SIMC1: variants seen among roughly 807,000 people sequenced by gnomAD.
SIMC1 encodes SUMO-interacting motif-containing protein 1.
A neutral mutation model predicts 82.3 loss-of-function variants in SIMC1; 55 were observed. The observed-to-expected ratio is 0.67, with a 90% CI of 0.54 to 0.84. The LOEUF is 0.84. Ranked by LOEUF, SIMC1 falls within the 40% of genes least tolerant of loss-of-function variation. The pLI is 0.00. For missense variants in SIMC1, 915 were observed against 1,107.2 expected, an observed-to-expected ratio of 0.83 and a Z score of 2.46; for synonymous variants, 353 against 426.3, an observed-to-expected ratio of 0.83 and a Z score of 2.12.
At chr5:176,251,964 G>C (rs1429317457) in intron 1 of SIMC1, among the ~76,000 whole-genome samples, 12 of 149,782 alleles carry the variant, frequency 8.0e-5, no homozygotes, top group Admixed American at 3.3e-4. Flanking sequence ...AAAATGAAAA[G>C]TTTCCCATGT....
rs181705701 is a variant in SIMC1 at position 176,274,864 on chromosome 5, C to G, written c.130-14790C>G. ...TCTGTTTTGGTACCAGTACCATGCT[C>G]TTTTGGTTACTGTAGCCTTGTAGTA... On this transcript the variant is annotated intron_variant, in intron 1 of 9. Transcript: ENST00000429602. Among the ~76,000 whole-genome samples the G allele has an allele frequency of 4.1e-3, 620 of 151,766 alleles. 5 individuals carry two copies. The highest frequency in any genetic ancestry group is 0.014 in the African/African-American group (565 of 41,494).
At chr5:176,289,576 A>C (rs1214388241) in intron 1 of SIMC1, 78 bp from the exon 2 acceptor site, 4 of 1,164,468 alleles carry the variant, frequency 3.4e-6, no homozygotes, top group Non-Finnish European at 3.6e-6. Context: ...CTTATCCTTA[A>C]AAGCTAAGAC....
chr5:176,289,365 T>A (rs1763441399), intron 1 of SIMC1, among the ~76,000 whole-genome samples: 1 of 152,134 alleles, frequency 6.6e-6, no homozygotes, highest in Non-Finnish European at 1.5e-5. Context: ...TTTGACTTTA[T>A]GACTTAAGGT....
chr5:176,338,872 G>A (rs1766013549), intron 9 of SIMC1, among the ~76,000 whole-genome samples: 1 of 151,954 alleles, frequency 6.6e-6, no homozygotes. Flanking sequence ...ACTCAGTGTT[G>A]GGCAGCTAAC....
rs1413079173 is a variant in SIMC1 at position 176,256,395 on chromosome 5, A to T, written c.129+17758A>T. Among the ~76,000 whole-genome samples, 15 of 152,198 alleles carry T rather than the reference A, an allele frequency of 9.9e-5. No individual in the cohort carries two copies. The East Asian group carries it at 2.9e-3, about 29-fold the overall frequency. On this transcript the variant is annotated intron_variant, in intron 1 of 9. Coordinates refer to ENST00000429602, the MANE Select transcript of SIMC1 (RefSeq NM_001308195.2). ...TCTAATTATAGCCAACTTGGTCACC[A>T]CAAATTTCTTTTGTAAATTCATCCT...
intron 6 of SIMC1, among the ~76,000 whole-genome samples, chr5:176,323,858 G>A (rs1561724193): frequency 6.6e-6 from 1 of 152,070 alleles, no homozygotes; most frequent in Non-Finnish European, 1.5e-5. Flanking sequence ...CATGGTGGCG[G>A]GCACCTGTAG....
At chr5:176,249,842 T>G (rs1311258364) in intron 1 of SIMC1, among the ~76,000 whole-genome samples, 1 of 10,010 alleles carries the variant, frequency 1.0e-4, no homozygotes, top group African/African-American at 2.9e-4. Context: ...AGATTCCGTC[T>G]CAAAAAAAAA....
chr5:176,248,354 A>G (rs1317894162), intron 1 of SIMC1, among the ~76,000 whole-genome samples: 1 of 151,968 alleles, frequency 6.6e-6, no homozygotes, highest in Admixed American at 6.6e-5. Context: ...TAGGTATTCT[A>G]TTCTCTTTGT....
At chr5:176,283,102 A>G (rs1024977940) in intron 1 of SIMC1, among the ~76,000 whole-genome samples, 4 of 152,252 alleles carry the variant, frequency 2.6e-5, no homozygotes, top group African/African-American at 9.6e-5. Flanking sequence ...AACACTCTTC[A>G]GGATATCATC....
At chr5:176,317,287 T>C (rs1317216396) in intron 5 of SIMC1, among the ~76,000 whole-genome samples, 1 of 152,208 alleles carries the variant, frequency 6.6e-6, no homozygotes, top group East Asian at 1.9e-4. Flanking sequence ...ATATGAACCC[T>C]TCTTAAGGGA....
chr5:176,242,809 T>C (rs1761315951), intron 1 of SIMC1, among the ~76,000 whole-genome samples: 1 of 151,976 alleles, frequency 6.6e-6, no homozygotes, highest in Admixed American at 6.5e-5. Flanking sequence ...CTCTTAGAGG[T>C]GCTGGGAATA....
At chr5:176,305,110 A>C (rs368176120) in intron 4 of SIMC1, among the ~76,000 whole-genome samples, 11 of 117,126 alleles carry the variant, frequency 9.4e-5, no homozygotes, top group South Asian at 3.2e-4. Context: ...GTCAGCCCCG[A>C]CGCCCGGCCA....
At chr5:176,272,014 A>G (rs1762458086) in intron 1 of SIMC1, among the ~76,000 whole-genome samples, 1 of 145,438 alleles carries the variant, frequency 6.9e-6, no homozygotes, top group African/African-American at 2.5e-5. Flanking sequence ...GTAATATAAT[A>G]TATAATATAT....
intron 6 of SIMC1, among the ~76,000 whole-genome samples, chr5:176,324,035 T>C (rs1765274081): frequency 6.7e-6 from 1 of 149,972 alleles, no homozygotes; most frequent in African/African-American, 2.5e-5. Context: ...AAAAGGCTGA[T>C]GTCAGGCCAG....
At chr5:176,323,346 A>G (rs1765243720) in intron 6 of SIMC1, among the ~76,000 whole-genome samples, 1 of 152,176 alleles carries the variant, frequency 6.6e-6, no homozygotes, top group Non-Finnish European at 1.5e-5. Context: ...TCATATAACA[A>G]TCATCATAAT....
chr5:176,252,895 C>T (rs145348398), intron 1 of SIMC1, among the ~76,000 whole-genome samples: 2,760 of 152,328 alleles, frequency 0.018, 86 homozygotes, highest in African/African-American at 0.063. Context: ...CCCAGCACCT[C>T]GGGAGGCTGA....
chr5:176,308,532 T>C, intron 4 of SIMC1: 1 of 1,604,342 alleles, frequency 6.2e-7, no homozygotes, highest in African/African-American at 1.3e-5. Flanking sequence ...TTTTTCCTGT[T>C]TCATAGAAGA....
chr5:176,340,371 T>G (rs927624851), intron 9 of SIMC1, among the ~76,000 whole-genome samples: 6 of 152,212 alleles, frequency 3.9e-5, no homozygotes, highest in Admixed American at 6.5e-5. Flanking sequence ...AATTACAAAG[T>G]GCTGCCTGTC....
intron 1 of SIMC1, among the ~76,000 whole-genome samples, chr5:176,258,197 A>G (rs1202922061): frequency 6.6e-6 from 1 of 152,232 alleles, no homozygotes; most frequent in Non-Finnish European, 1.5e-5. Flanking sequence ...AAACATATCA[A>G]TCATGGTAAG....
Sources: allele counts gnomAD v4.1 joint callset (sites outside exome capture counted in the v4.1 genomes callset), GRCh38; gene constraint gnomAD v4.1.1; transcripts MANE v1.5; gene names NCBI Gene and HGNC (gene_info 2026-07-23, HGNC 2026-07-21).